Variants in LGR6 observed in about 807,000 individuals in gnomAD.
LGR6 encodes the protein leucine-rich repeat-containing G protein-coupled receptor 6.
LGR6 carries 45 observed loss-of-function variants against 69.4 expected under a neutral mutation model. The observed-to-expected ratio is 0.65, with a 90% CI of 0.51 to 0.83. LGR6 has a LOEUF of 0.83. LGR6 is among the 40% of genes least tolerant of loss of function. The pLI is 0.00. For missense variants in LGR6, 1,108 were observed against 1,246.7 expected (o/e 0.89, Z 1.68); for synonymous variants, 538 against 555.0 (o/e 0.97, Z 0.43).
intron 16 of LGR6, among the ~76,000 whole-genome samples, chr1:202,313,212 G>A (rs1018072530): frequency 4.0e-5 from 6 of 151,016 alleles, no homozygotes; most frequent in African/African-American, 1.2e-4. Flanking sequence ...GGGCAACAGA[G>A]CGAGACTCCA....
chr1:202,318,075 C>T lies in LGR6; in HGVS notation c.1772C>T (p.Pro591Leu), dbSNP rs1654293781. Residue 591 changes from proline to leucine, a missense_variant, in exon 18 of 18, where the codon CCT becomes CTT. Physicochemically the swap from Pro to Leu is moderately conservative, Grantham distance 98. Transcript: ENST00000367278. ...CTGCTGACCGTGTTCGCTGGCGGGC[C>T]TGTCCCCCTGCCCCCGGTCAAGTTT... Reference protein sequence around the residue: ...LVLLTVFAGGPVPLPPVKFVV... With the variant: ...LVLLTVFAGGLVPLPPVKFVV... 1.2e-6 allele frequency: 2 copies of T among 1,613,798 alleles called. No individual in the cohort carries two copies. Among genetic ancestry groups the T allele is most frequent in the Non-Finnish European group, 1.7e-6 (2 of 1,179,776 alleles).
At chr1:202,201,843 G>T (rs1306218580) in intron 1 of LGR6, among the ~76,000 whole-genome samples, 1 of 152,210 alleles carries the variant, frequency 6.6e-6, no homozygotes, top group Admixed American at 6.5e-5. Context: ...GGGGACTCTG[G>T]GGAGGGTAAG....
At chr1:202,278,888 C>A (rs1326926416) in intron 5 of LGR6, among the ~76,000 whole-genome samples, 3 of 152,250 alleles carry the variant, frequency 2.0e-5, no homozygotes, top group African/African-American at 7.2e-5. Flanking sequence ...ACCAACAGGA[C>A]CCTTAGGTAG....
chr1:202,204,011 T>G lies in LGR6; in HGVS notation c.212+9810T>G, dbSNP rs970577303. On this transcript the variant is annotated intron_variant, in intron 1 of 17. Coordinates refer to ENST00000367278, the MANE Select transcript of LGR6 (RefSeq NM_001017403.2). ...TAGGGTGTGTGTGTCCCCATCTGTCTGTATGTTTGTCTGATTGTGATGCTC... is the reference window on the plus strand; with the variant it reads ...TAGGGTGTGTGTGTCCCCATCTGTCGGTATGTTTGTCTGATTGTGATGCTC... 3.1e-5 allele frequency: 21 copies of G among 681,136 alleles called. No homozygotes were observed. The African/African-American group carries it at 3.2e-4, about 10-fold the overall frequency. The allele number at this position is 681,136 out of a possible 1,614,324, so 42.2% of individuals were successfully genotyped here.
rs751261112 is a variant in LGR6 at position 202,194,032 on chromosome 1, G to A, written c.43G>A (p.Ala15Thr). Residue 15 changes from alanine to threonine, a missense_variant, in exon 1 of 18, where the codon GCG (alanine) becomes ACG (threonine). Ala to Thr is a moderately conservative substitution (Grantham distance 58). Coordinates refer to ENST00000367278, the MANE Select transcript of LGR6 (RefSeq NM_001017403.2). ...GCTCCGGGCGCTATGGCTTTGCGCC[G>A]CGCTGTGCGCTTCCCGGAGGGCCGG... ...PGLRALWLCAALCASRRAGGA... is the reference protein window; with the variant it reads ...PGLRALWLCATLCASRRAGGA... The A allele has an allele frequency of 6.5e-6, 9 of 1,387,344 alleles. No individual in the cohort carries two copies. Among genetic ancestry groups the A allele is most frequent in the South Asian group, 1.6e-5 (1 of 62,284 alleles). 85.9% of individuals were successfully genotyped at this position (1,387,344 alleles called of 1,614,324 possible).
intron 1 of LGR6, among the ~76,000 whole-genome samples, chr1:202,198,736 C>G (rs1658732592): frequency 6.7e-6 from 1 of 149,126 alleles, no homozygotes; most frequent in South Asian, 2.1e-4. Flanking sequence ...GAGGGGAGCA[C>G]CTGATGGAAG....
At chr1:202,237,168 ACT>A (rs1157503058) in intron 4 of LGR6, among the ~76,000 whole-genome samples, 1 of 151,846 alleles carries the variant, frequency 6.6e-6, no homozygotes, top group Non-Finnish European at 1.5e-5. Flanking sequence ...GCCTCCCTGC[ACT>A]CTCTCAGCTT....
chr1:202,314,737 G>C (rs987143676), intron 16 of LGR6, 65 bp from the exon 17 acceptor site: 23 of 1,160,678 alleles, frequency 2.0e-5, no homozygotes, highest in Non-Finnish European at 2.9e-5. Context: ...GGGGCATTTG[G>C]AGAAAGGTAG....
At position 202,305,760 on chromosome 1, in the gene LGR6, G is replaced by A. The variant is rs7524884; in HGVS notation, c.1136+11G>A. The A allele has an allele frequency of 6.0e-4, 964 of 1,613,824 alleles. 4 individuals carry two copies. The African/African-American group carries it at 0.011, about 19-fold the overall frequency. ...GAAATTGGAGGAAATGTGAGTCTGG[G>A]GTAGGGAAGAGGCAAAAGCACGCCA... On this transcript the variant is annotated intron_variant, in intron 12 of 17. Coordinates refer to ENST00000367278, the MANE Select transcript of LGR6 (RefSeq NM_001017403.2).
intron 4 of LGR6, among the ~76,000 whole-genome samples, chr1:202,270,404 G>A (rs531775882): frequency 4.6e-5 from 7 of 151,952 alleles, no homozygotes; most frequent in Admixed American, 6.6e-5. Context: ...CACCACGCCC[G>A]TCTAATTTTG....
intron 5 of LGR6, among the ~76,000 whole-genome samples, chr1:202,277,463 G>A (rs78129981): frequency 1.3e-4 from 19 of 150,668 alleles, no homozygotes; most frequent in African/African-American, 3.6e-4. Flanking sequence ...GGGGCAGGGT[G>A]GGGGGGTATT....
chr1:202,301,943 C>T lies in LGR6; in HGVS notation c.929+708C>T, dbSNP rs149141620. Among the ~76,000 whole-genome samples, 587 of 152,158 alleles carry T rather than the reference C, an allele frequency of 3.9e-3. 2 individuals are homozygous for T. The highest frequency in any genetic ancestry group is 0.014 in the African/African-American group (561 of 41,498). On this transcript the variant is annotated intron_variant, in intron 9 of 17. Transcript: ENST00000367278. ...CTGAGGCAGAGGACTCGCTTGAACC[C>T]GGGAGGCGGAGGTTACAGTGAGCCG...
intron 4 of LGR6, among the ~76,000 whole-genome samples, chr1:202,250,341 A>G (rs555276786): frequency 1.2e-3 from 177 of 151,976 alleles, no homozygotes; most frequent in Middle Eastern, 3.4e-3. Context: ...TCTGAGTTCT[A>G]CAAGGTTGGA....
At chr1:202,262,197 C>G (rs1468601770) in intron 4 of LGR6, among the ~76,000 whole-genome samples, 1 of 151,272 alleles carries the variant, frequency 6.6e-6, no homozygotes, top group East Asian at 1.9e-4. Flanking sequence ...AGGTTTTCTT[C>G]TAGGGTTTTT....
chr1:202,229,528 A>G (rs1660835666), intron 3 of LGR6, among the ~76,000 whole-genome samples: 1 of 152,220 alleles, frequency 6.6e-6, no homozygotes, highest in Admixed American at 6.5e-5. Flanking sequence ...CCTTCAGAAG[A>G]TGTAAGACTC....
intron 11 of LGR6, among the ~76,000 whole-genome samples, chr1:202,305,158 GAC>G (rs907041614): frequency 6.6e-6 from 1 of 152,128 alleles, no homozygotes; most frequent in African/African-American, 2.4e-5. Flanking sequence ...GGGGTCCGGA[GAC>G]ACAGGCTCCA....
intron 5 of LGR6, among the ~76,000 whole-genome samples, chr1:202,280,391 A>G (rs540743494): frequency 1.3e-5 from 2 of 152,242 alleles, no homozygotes; most frequent in East Asian, 3.9e-4. Context: ...GTTGGCTCCC[A>G]TAAGTACGTC....
chr1:202,270,325 C>T (rs982799957), intron 4 of LGR6, among the ~76,000 whole-genome samples: 15 of 152,140 alleles, frequency 9.9e-5, no homozygotes, highest in African/African-American at 3.6e-4. Flanking sequence ...TCACTGCAAC[C>T]TCCGCAACCA....
chr1:202,205,767 A>C (rs1659191221), intron 1 of LGR6, among the ~76,000 whole-genome samples: 1 of 143,446 alleles, frequency 7.0e-6, no homozygotes, highest in Non-Finnish European at 1.5e-5. Flanking sequence ...ACACACACAC[A>C]CCTCCAAACA....
Sources: gnomAD v4.1 joint callset for allele counts (sites outside exome capture counted in the v4.1 genomes callset) on GRCh38, gnomAD v4.1.1 for gene constraint, MANE v1.5 for transcripts, NCBI Gene and HGNC (gene_info 2026-07-23, HGNC 2026-07-21) for gene names.